CFAP46: variants seen among roughly 807,000 people sequenced by gnomAD.
CFAP46 encodes cilia- and flagella-associated protein 46.
Under a neutral mutation model 325.7 loss-of-function variants are expected in CFAP46, and 245 were observed. The ratio of observed to expected loss-of-function variants is 0.75; its 90% CI spans 0.68 to 0.84. The LOEUF (loss-of-function observed/expected upper bound fraction) is 0.84. Among genes scored for constraint, CFAP46 ranks in the 40% least tolerant of loss-of-function variants. The probability of loss-of-function intolerance (pLI) is 0.00; values close to 1 mark genes in which losing one functional copy is unlikely to be tolerated. For missense variants in CFAP46, 3,346 were observed against 3,543.0 expected, an observed-to-expected ratio of 0.94 and a Z score of 1.41; for synonymous variants, 1,523 against 1,495.9, an observed-to-expected ratio of 1.02 and a Z score of -0.42.
rs558274364 is a variant in CFAP46, at chr10:132,847,044, A to T, written c.6155T>A (p.Val2052Glu). ...ATCCAGGAGGCCACTGCCAAGGGCC[A>T]CCTGTAGGCACTGCAGCAGCACCTC... ...ASEVLLQCLQ[V>E]ALGSGLLDVA... The change falls in exon 43 of 58, where the codon GTG becomes GAG. Residue 2052 changes from valine to glutamate, a missense_variant. By Grantham distance (121) the Val-to-Glu change is moderately radical (BLOSUM62 -2). Transcript: ENST00000368586. The surrounding 1 kb of genome is among the most constrained non-coding windows in gnomAD (Gnocchi z 5.2). 37 of 1,612,408 alleles carry T rather than the reference A, an allele frequency of 2.3e-5. No individual in the cohort carries two copies. In the South Asian group the frequency reaches 4.1e-4, roughly 18 times the overall value.
Position 132,812,660 on chromosome 10 carries a change from G to A in CFAP46, c.7501+125C>T, listed in dbSNP as rs545744324. ...GGCCTGCAGTCACAGAGGGTGGGGG[G>A]CAGGAGGGGGCTGCGGCCACAGGGG... On this transcript the variant is annotated intron_variant, in intron 55 of 57. Transcript: ENST00000368586. The A allele has an allele frequency of 1.1e-3, 705 of 656,190 alleles. 4 individuals carry two copies. The highest frequency in any genetic ancestry group is 1.5e-3 in the Non-Finnish European group (574 of 370,408). 40.6% of individuals were successfully genotyped at this position (656,190 alleles called of 1,614,324 possible).
chr10:132,921,706 G>A (rs755063603), intron 13 of CFAP46, among the ~76,000 whole-genome samples: 1 of 152,222 alleles, frequency 6.6e-6, no homozygotes, highest in Admixed American at 6.5e-5. Context: ...GGGAGGAAAC[G>A]AGGACACAGA....
rs1455659882 is a variant in CFAP46 at position 132,814,710 on chromosome 10, T to G, written c.7225A>C (p.Ile2409Leu). The part of the protein sequence containing the change: ...IPRTIPPDCI[I>L]VDSDNFKFVV... ...CACTTGAAGTTGTCTGAGTCGACTATGATGCAGTCAGGGGGGATGGTCCGG... is the reference window on the plus strand; with the variant it reads ...CACTTGAAGTTGTCTGAGTCGACTAGGATGCAGTCAGGGGGGATGGTCCGG... Residue 2409 changes from isoleucine to leucine, a missense_variant, in exon 52 of 58, where the codon ATA becomes CTA. By Grantham distance (5) the Ile-to-Leu change is conservative (BLOSUM62 2). Coordinates refer to ENST00000368586, the MANE Select transcript of CFAP46 (RefSeq NM_001200049.3). 1.2e-6 allele frequency: 2 copies of G among 1,611,654 alleles called. No homozygotes were observed. The highest frequency in any genetic ancestry group is 2.7e-5 in the African/African-American group (2 of 74,900).
chr10:132,930,897 C>T (rs1354679054), intron 8 of CFAP46, among the ~76,000 whole-genome samples: 1 of 115,732 alleles, frequency 8.6e-6, no homozygotes. Flanking sequence ...TGGGCCTTCC[C>T]CACACTCCTC....
intron 23 of CFAP46, 37 bp from the exon 24 acceptor site, chr10:132,899,158 T>C (rs772252021): frequency 5.9e-6 from 9 of 1,513,578 alleles, no homozygotes; most frequent in Non-Finnish European, 7.1e-6. Flanking sequence ...TGGCTCCACC[T>C]GGGCCCACCT....
intron 27 of CFAP46, among the ~76,000 whole-genome samples, chr10:132,882,784 G>A (rs7899925): frequency 6.6e-6 from 1 of 151,860 alleles, no homozygotes; most frequent in Non-Finnish European, 1.5e-5. Context: ...TGGGAGCCAC[G>A]TGAAGGATGC....
intron 35 of CFAP46, among the ~76,000 whole-genome samples, chr10:132,865,515 G>A (rs539959127): frequency 2.0e-5 from 3 of 152,202 alleles, no homozygotes; most frequent in Admixed American, 6.5e-5. Flanking sequence ...GGGGAGACGG[G>A]GCCTCAGCAA....
rs1032001362 is a variant in CFAP46, at chr10:132,837,596, C to T, written c.6439-682G>A. 9.7e-5 allele frequency among the ~76,000 whole-genome samples: 10 copies of T among 103,420 alleles called. 2 individuals are homozygous for T. Among genetic ancestry groups the T allele is most frequent in the East Asian group, 4.7e-4 (2 of 4,276 alleles). The allele number at this position is 103,420 out of a possible 152,430, so 67.8% of individuals were successfully genotyped here. A position where few individuals can be genotyped will look rare whatever the true frequency, so the allele number is the denominator to read the frequency against. Reference sequence around the variant, plus strand: ...ACACACATGCACACGTACACAGATGCGCACGGACACACGCACACGTACACA... The same window carrying T: ...ACACACATGCACACGTACACAGATGTGCACGGACACACGCACACGTACACA... On this transcript the variant is annotated intron_variant, in intron 44 of 57. Transcript: ENST00000368586.
At chr10:132,938,383 C>G (rs765231416) in intron 5 of CFAP46, among the ~76,000 whole-genome samples, 7 of 152,198 alleles carry the variant, frequency 4.6e-5, no homozygotes, top group Non-Finnish European at 8.8e-5. Context: ...AACCTCATAA[C>G]CAGGGCACGG....
At position 132,830,504 on chromosome 10, in the gene CFAP46, A is replaced by C. The variant is rs377046553; in HGVS notation, c.7117+2854T>G. Among the ~76,000 whole-genome samples the C allele has an allele frequency of 1.2e-4, 19 of 152,364 alleles. No individual in the cohort carries two copies. In the East Asian group the frequency reaches 3.7e-3, roughly 29 times the overall value. On this transcript the variant is annotated intron_variant, in intron 50 of 57. Coordinates refer to ENST00000368586, the MANE Select transcript of CFAP46 (RefSeq NM_001200049.3). ...TTCTATTACTTTAATAGATACAGGC[A>C]TATCCAGGTCATCCCTTTCTTCTTG...
rs1025538173 is a variant in CFAP46, at chr10:132,889,307, G to T, written c.3304+3026C>A. On this transcript the variant is annotated intron_variant, in intron 25 of 57. Coordinates refer to ENST00000368586, the MANE Select transcript of CFAP46 (RefSeq NM_001200049.3). The surrounding 1 kb of genome is among the most constrained non-coding windows in gnomAD (Gnocchi z 6.0). ...TCATGAGACTGCATTCTCCAGAGCCGACCGGCTGGGTCTAGGGAGCAGAGG... is the reference window on the plus strand; with the variant it reads ...TCATGAGACTGCATTCTCCAGAGCCTACCGGCTGGGTCTAGGGAGCAGAGG... 3.3e-5 allele frequency among the ~76,000 whole-genome samples: 5 copies of T among 152,168 alleles called. No homozygotes were observed. The highest frequency in any genetic ancestry group is 1.2e-4 in the African/African-American group (5 of 41,434).
At chr10:132,887,625 TCTC>T (rs1470876298) in intron 25 of CFAP46, among the ~76,000 whole-genome samples, 2 of 50,490 alleles carry the variant, frequency 4.0e-5, no homozygotes, top group African/African-American at 1.3e-4. Context: ...TCTCCTCTTC[TCTC>T]CTCTCCCTTC....
rs559530898 is a variant in CFAP46 at position 132,899,146 on chromosome 10, G to A, written c.3057-25C>T. On this transcript the variant is annotated intron_variant, in intron 23 of 57. Transcript: ENST00000368586. ...CCTAAAAGAGGGCAGGTCATGACGC[G>A]GTGGCTCCACCTGGGCCCACCTGGA... 53 of 1,539,302 alleles carry A rather than the reference G, an allele frequency of 3.4e-5. No homozygotes were observed. The East Asian group carries it at 5.4e-4, about 16-fold the overall frequency.
At chr10:132,860,134 A>G (rs1298248572) in intron 37 of CFAP46, among the ~76,000 whole-genome samples, 1 of 152,244 alleles carries the variant, frequency 6.6e-6, no homozygotes, top group Non-Finnish European at 1.5e-5. Flanking sequence ...CCACAGACTT[A>G]GAGGAAAAGG....
rs12258405 is a variant in CFAP46, at chr10:132,867,616, C to T, written c.4611-109G>A. On this transcript the variant is annotated intron_variant, in intron 33 of 57. Transcript: ENST00000368586. The stretch of plus-strand genomic sequence containing the variant: ...AAAACAGCCACAATTACATTCTTCA[C>T]GCGCGTGTTTACAAAGATTTTTAAA... 2.4e-3 allele frequency: 3,261 copies of T among 1,347,772 alleles called. 60 individuals are homozygous for T. The African/African-American group carries it at 0.04, about 16-fold the overall frequency. The allele number at this position is 1,347,772 out of a possible 1,614,324, so 83.5% of individuals were successfully genotyped here.
Position 132,939,976 on chromosome 10 carries a change from CT to C in CFAP46, c.371+1019del, listed in dbSNP as rs1205472781. On this transcript the variant is annotated intron_variant, in intron 4 of 57. Coordinates refer to ENST00000368586, the MANE Select transcript of CFAP46 (RefSeq NM_001200049.3). The surrounding 1 kb of genome is among the most constrained non-coding windows in gnomAD (Gnocchi z 4.6). ...ACCTCTGGCAAGGCTCTGTCACCCC[CT>C]GACCCGTCCACAGTGCCCCTGAGGG... Among the ~76,000 whole-genome samples the C allele has an allele frequency of 3.3e-4, 50 of 152,300 alleles. No individual in the cohort carries two copies. Among genetic ancestry groups the C allele is most frequent in the Non-Finnish European group, 5.9e-5 (4 of 68,014 alleles).
intron 24 of CFAP46, among the ~76,000 whole-genome samples, chr10:132,895,768 G>A (rs1209159155): frequency 6.6e-6 from 1 of 152,260 alleles, no homozygotes; most frequent in African/African-American, 2.4e-5. Context: ...AACCCTCACT[G>A]TGGTGGTATT....
chr10:132,841,808 G>A (rs12261082), intron 44 of CFAP46, among the ~76,000 whole-genome samples: 12,278 of 152,224 alleles, frequency 0.081, 498 homozygotes, highest in Non-Finnish European at 0.091. Context: ...AATTTAGGGA[G>A]CATGGTCCCC....
intron 3 of CFAP46, among the ~76,000 whole-genome samples, 182 bp from the exon 4 acceptor site, chr10:132,941,242 C>T (rs998312226): frequency 6.6e-5 from 10 of 152,140 alleles, no homozygotes; most frequent in African/African-American, 2.2e-4. Context: ...GACCTGCACC[C>T]GGGTTCCCGT....
Sources: allele counts gnomAD v4.1 joint callset (sites outside exome capture counted in the v4.1 genomes callset), GRCh38; gene constraint gnomAD v4.1.1; non-coding constraint Gnocchi (gnomAD v3.1); transcripts MANE v1.5; gene names NCBI Gene and HGNC (gene_info 2026-07-23, HGNC 2026-07-21).